Variants in MYL4 observed in about 807,000 individuals in gnomAD.
The protein encoded by MYL4 is myosin light chain 4, also known as atrial myosin light chain 1.
In MYL4, 16 loss-of-function variants were observed where a neutral mutation model predicts 21.6. That is an observed-to-expected ratio of 0.74 (90% CI 0.50 to 1.12). The LOEUF is 1.12. Among genes scored for constraint, MYL4 ranks in the 50% most tolerant of loss-of-function variants. The pLI is 0.00. For synonymous variants in MYL4, 82 were observed against 95.7 expected, an observed-to-expected ratio of 0.86 and a Z score of 0.83; for missense variants, 249 against 252.9, an observed-to-expected ratio of 0.98 and a Z score of 0.11.
downstream of MYL4, among the ~76,000 whole-genome samples, chr17:47,227,297 C>T (rs928297596): frequency 2.6e-5 from 4 of 152,214 alleles, no homozygotes; most frequent in Non-Finnish European, 5.9e-5. Context: ...GTACTTTGCC[C>T]GGCCCATAAC....
At chr17:47,225,091 T>C (rs540034856), downstream of MYL4, among the ~76,000 whole-genome samples, 14 of 152,332 alleles carry the variant, frequency 9.2e-5, no homozygotes, top group African/African-American at 3.4e-4. Context: ...TCCCATGGCC[T>C]TTCTGTTGCC....
At chr17:47,189,474 AG>A in the MYL4 span, 268 of 484,854 alleles carry the variant, frequency 5.5e-4, no homozygotes, top group Non-Finnish European at 8.9e-4. Context: ...CCCAAAGCGT[AG>A]GTTTCTCTTC....
chr17:47,226,696 C>T (rs1268606823), downstream of MYL4, among the ~76,000 whole-genome samples: 1 of 152,210 alleles, frequency 6.6e-6, no homozygotes, highest in Non-Finnish European at 1.5e-5. Flanking sequence ...ATTGGCAGTC[C>T]CTGGCTGGCA....
At chr17:47,201,085 T>C (rs1192758445) in intron 1 of MYL4, among the ~76,000 whole-genome samples, 1 of 152,146 alleles carries the variant, frequency 6.6e-6, no homozygotes, top group Non-Finnish European at 1.5e-5. Context: ...GGCAGAAGAA[T>C]CGCTTGAACT....
downstream of MYL4, among the ~76,000 whole-genome samples, chr17:47,224,551 C>T (rs1012832346): frequency 4.6e-5 from 7 of 152,192 alleles, no homozygotes; most frequent in Non-Finnish European, 1.0e-4. Flanking sequence ...TTCCCCCAGC[C>T]CCTGGCAATC....
intron 2 of MYL4, chr17:47,214,066 A>G: frequency 1.8e-6 from 1 of 540,632 alleles, no homozygotes; most frequent in Admixed American, 3.0e-5. Context: ...CCCCCATTTT[A>G]CAAGTGATAA....
chr17:47,222,429 G>A lies in MYL4; in HGVS notation c.537G>A (p.Glu179=), dbSNP rs181540609. ...TGGAGCAGCTGTTAGCTGGGCAAGA[G>A]GATGCCAATGGCTGCATCAATTATG... ...AEVEQLLAGQ[E]DANGCINYEA... The change falls in exon 5 of 7, where the codon GAG becomes GAA. Residue 179 remains glutamate, a synonymous_variant. Transcript: ENST00000393450. 3.0e-5 allele frequency: 48 copies of A among 1,614,114 alleles called. No individual in the cohort carries two copies. The highest frequency in any genetic ancestry group is 3.3e-4 in the Middle Eastern group (2 of 6,062).
chr17:47,224,874 CA>C (rs1017826277), downstream of MYL4, among the ~76,000 whole-genome samples: 306 of 152,172 alleles, frequency 2.0e-3, 1 homozygote, highest in African/African-American at 7.2e-3. Context: ...TCAGGAACCT[CA>C]GGCTGAGAGA....
At chr17:47,218,826 A>T (rs753455363) in intron 2 of MYL4, among the ~76,000 whole-genome samples, 2 of 152,116 alleles carry the variant, frequency 1.3e-5, no homozygotes, top group Admixed American at 1.3e-4. Flanking sequence ...ATCAATGAAG[A>T]GTTAAGGTTC....
At chr17:47,211,423 G>GTAT (rs1567745796) in intron 1 of MYL4, among the ~76,000 whole-genome samples, 19 of 151,984 alleles carry the variant, frequency 1.3e-4, no homozygotes, top group Non-Finnish European at 1.9e-4. Flanking sequence ...TTCGAAGATA[G>GTAT]AACAGAAGCA....
At chr17:47,203,669 A>T (rs2064717271) in intron 1 of MYL4, among the ~76,000 whole-genome samples, 1 of 152,196 alleles carries the variant, frequency 6.6e-6, no homozygotes, top group Non-Finnish European at 1.5e-5. Flanking sequence ...CACTTAAGTT[A>T]CACTGTGTAA....
chr17:47,202,426 A>G (rs925528227), intron 1 of MYL4, among the ~76,000 whole-genome samples: 1 of 152,250 alleles, frequency 6.6e-6, no homozygotes, highest in Non-Finnish European at 1.5e-5. Context: ...GTAGATTCAT[A>G]TACCTAAGTT....
At chr17:47,223,721 A>G (rs2064874517), downstream of MYL4, 1 of 151,918 alleles carries the variant, frequency 6.6e-6, no homozygotes, top group Admixed American at 6.6e-5. Context: ...TAATTAACGA[A>G]TTGCATTGGT....
At chr17:47,219,792 G>T (rs2064840885) in intron 2 of MYL4, 112 bp from the exon 3 acceptor site, 1 of 1,319,252 alleles carries the variant, frequency 7.6e-7, no homozygotes, top group Non-Finnish European at 1.1e-6. Flanking sequence ...GAAATATTGG[G>T]ATATTTTAAC....
chr17:47,223,759 G>C (rs902788927), downstream of MYL4: 1 of 152,248 alleles, frequency 6.6e-6, no homozygotes, highest in African/African-American at 2.4e-5. Flanking sequence ...GTGTGAGAGA[G>C]AGAGAGATAA....
chr17:47,195,117 G>A, the MYL4 span, among the ~76,000 whole-genome samples: 1 of 142,560 alleles, frequency 7.0e-6, no homozygotes, highest in Non-Finnish European at 1.5e-5. Context: ...GGAGTGCAAT[G>A]GTGCACTCTT....
intron 2 of MYL4, 95 bp from the exon 3 acceptor site, chr17:47,219,809 A>C (rs1345419535): frequency 9.0e-6 from 13 of 1,451,508 alleles, no homozygotes; most frequent in African/African-American, 1.4e-5. Flanking sequence ...TAACAACCAC[A>C]CTCACCTGCT....
In MYL4 at chr17:47,210,763, G is replaced by T. The variant is rs979492455; in HGVS notation, c.135+1206G>T. Among the ~76,000 whole-genome samples the T allele has an allele frequency of 2.0e-5, 3 of 151,902 alleles. 1 individual carries two copies. The highest frequency in any genetic ancestry group is 7.3e-5 in the African/African-American group (3 of 41,310). ...GCTTAGCCAAGAGATGGAGGCAATT[G>T]TCCCTTTTCTGAGCTTGGTTATGGC... is the stretch of plus-strand genomic sequence containing the variant. On this transcript the variant is annotated intron_variant, in intron 1 of 6. Transcript: ENST00000393450.
downstream of MYL4, among the ~76,000 whole-genome samples, chr17:47,226,298 A>G (rs1163121041): frequency 6.6e-6 from 1 of 152,212 alleles, no homozygotes; most frequent in Admixed American, 6.5e-5. Context: ...AGGCATTACA[A>G]ATATTTTCTC....
Sources: allele counts gnomAD v4.1 joint callset (sites outside exome capture counted in the v4.1 genomes callset), GRCh38; gene constraint gnomAD v4.1.1; transcripts MANE v1.5; gene names NCBI Gene and HGNC (gene_info 2026-07-23, HGNC 2026-07-21).